CFAP52: variants seen among roughly 807,000 people sequenced by gnomAD.
CFAP52 encodes cilia and flagella associated protein 52, also known as cilia- and flagella-associated protein 52.
In CFAP52, 57 loss-of-function variants were observed where a neutral mutation model predicts 70.5. The ratio of observed to expected loss-of-function variants is 0.81; its 90% CI spans 0.65 to 1.01. The LOEUF is 1.01. Among genes scored for constraint, CFAP52 ranks in the 50% least tolerant of loss-of-function variants. The pLI, the probability that CFAP52 is intolerant of heterozygous loss-of-function variation, is 0.00. For synonymous variants in CFAP52, 267 were observed against 292.5 expected (o/e 0.91, Z 0.89); for missense variants, 785 against 788.5 (o/e 1.00, Z 0.05).
intron 3 of CFAP52, among the ~76,000 whole-genome samples, chr17:9,591,313 T>C (rs370034154): frequency 2.7e-4 from 41 of 152,258 alleles, no homozygotes; most frequent in African/African-American, 9.9e-4. Context: ...GCTGAGATTA[T>C]AGGCTTGAGT....
intron 10 of CFAP52, among the ~76,000 whole-genome samples, chr17:9,634,298 A>G (rs1381891345): frequency 6.6e-6 from 1 of 152,190 alleles, no homozygotes; most frequent in Non-Finnish European, 1.5e-5. Context: ...AAGAAGGCGT[A>G]AGCATCTGAC....
At chr17:9,623,369 C>T (rs1910119004) in intron 8 of CFAP52, among the ~76,000 whole-genome samples, 2 of 152,098 alleles carry the variant, frequency 1.3e-5, no homozygotes, top group South Asian at 4.1e-4. Flanking sequence ...TTTTACTTCT[C>T]TATCCATTCT....
chr17:9,597,831 A>AGAGAGAGAGAGAGAGAGAGAG (rs57688684), intron 4 of CFAP52, among the ~76,000 whole-genome samples: 4 of 131,786 alleles, frequency 3.0e-5, no homozygotes, highest in African/African-American at 9.2e-5. Context: ...GAGAGAGAGA[A>AGAGAGAGAGAGAGAGAGAGAG]AGAGAGAAAG....
At chr17:9,591,395 C>T (rs1321793778) in intron 3 of CFAP52, among the ~76,000 whole-genome samples, 2 of 152,046 alleles carry the variant, frequency 1.3e-5, no homozygotes, top group Non-Finnish European at 2.9e-5. Context: ...TTGATGTCAT[C>T]ATGGTATTCA....
intron 13 of CFAP52, among the ~76,000 whole-genome samples, chr17:9,642,380 T>G (rs1402984067): frequency 2.0e-5 from 3 of 152,196 alleles, no homozygotes; most frequent in Non-Finnish European, 4.4e-5. Flanking sequence ...TCCTAGCACT[T>G]TGGGAGGCCA....
chr17:9,628,961 C>G, intron 9 of CFAP52, 141 bp downstream of exon 9: 1 of 1,292,310 alleles, frequency 7.7e-7, no homozygotes, highest in Non-Finnish European at 1.1e-6. Context: ...TCTAATCTAG[C>G]CTCTCTTTGG....
intron 10 of CFAP52, 135 bp from the exon 11 acceptor site, chr17:9,635,269 AC>A: frequency 1.6e-6 from 2 of 1,232,868 alleles, no homozygotes; most frequent in South Asian, 3.1e-5. Flanking sequence ...TTCACACCCC[AC>A]CCAACCGAGA....
rs748081227 is a variant in CFAP52, at chr17:9,598,309, G to A, written c.612G>A (p.Leu204=). 6.2e-7 allele frequency: 1 copy of A among 1,612,956 alleles called. No homozygotes were observed. Among genetic ancestry groups the A allele is most frequent in the Admixed American group, 1.7e-5 (1 of 59,934 alleles). ...CAACTGAGTGCCAAACAGGACAGTT[G>A]AAAAGAATAGTCATGAGTATTGGAG... is the stretch of plus-strand genomic sequence containing the variant. The part of the protein sequence containing the change: ...IWPTECQTGQ[L]KRIVMSIGVD... The change falls in exon 5 of 14, where the codon TTG becomes TTA. Residue 204 remains leucine, a synonymous_variant. Coordinates refer to ENST00000352665, the MANE Select transcript of CFAP52 (RefSeq NM_145054.5).
chr17:9,616,701 G>A (rs1203588355), intron 8 of CFAP52, among the ~76,000 whole-genome samples: 25 of 149,008 alleles, frequency 1.7e-4, no homozygotes, highest in Admixed American at 2.7e-4. Context: ...CCTGACCCCC[G>A]GGCAGCCTAA....
At position 9,628,734 on chromosome 17, in the gene CFAP52, C is replaced by T; in HGVS notation, c.1088C>T (p.Ser363Phe). The stretch of plus-strand genomic sequence containing the variant: ...GATATCAGGGTGTGGCACACATCAT[C>T]CAACAGGGAGCTGCTGCGGATCACC... ...KKDIRVWHTS[S>F]NRELLRITVP... The change falls in exon 9 of 14, where the codon TCC (serine) becomes TTC (phenylalanine). Residue 363 changes from serine (S) to phenylalanine (F), a missense_variant. Coordinates refer to ENST00000352665, the MANE Select transcript of CFAP52 (RefSeq NM_145054.5). 1 of 1,614,174 alleles carries T rather than the reference C, an allele frequency of 6.2e-7. No homozygotes were observed. Among genetic ancestry groups the T allele is most frequent in the Non-Finnish European group, 8.5e-7 (1 of 1,180,030 alleles).
intron 5 of CFAP52, chr17:9,598,591 G>A: frequency 4.3e-6 from 1 of 231,868 alleles, no homozygotes; most frequent in South Asian, 8.6e-5. Flanking sequence ...GTGAAACCTT[G>A]TCTCTACTAA....
intron 4 of CFAP52, among the ~76,000 whole-genome samples, chr17:9,596,053 GT>G (rs1908988640): frequency 1.4e-5 from 1 of 73,616 alleles, no homozygotes; most frequent in Non-Finnish European, 2.6e-5. Context: ...AGATATATAT[GT>G]GTGTGTATAT....
At chr17:9,623,669 T>TG (rs1910130533) in intron 8 of CFAP52, among the ~76,000 whole-genome samples, 2 of 139,742 alleles carry the variant, frequency 1.4e-5, no homozygotes, top group South Asian at 2.1e-4. Flanking sequence ...TGCTTAGCTT[T>TG]TTTTGTTTGT....
intron 4 of CFAP52, among the ~76,000 whole-genome samples, chr17:9,596,591 T>G (rs1909029007): frequency 6.6e-6 from 1 of 152,208 alleles, no homozygotes; most frequent in Non-Finnish European, 1.5e-5. Flanking sequence ...TTGCTTGGTC[T>G]CATTTCTCTT....
In CFAP52 at chr17:9,595,284, A is replaced by G. The variant is rs542860579; in HGVS notation, c.536+963A>G. On this transcript the variant is annotated intron_variant, in intron 4 of 13. Coordinates refer to ENST00000352665, the MANE Select transcript of CFAP52 (RefSeq NM_145054.5). ...TTCAACCCATCTTGGAAAGGTACAC[A>G]TGGTTGGTTACTTTTCCAGCTAGAG... Among the ~76,000 whole-genome samples, 116 of 152,194 alleles carry G rather than the reference A, an allele frequency of 7.6e-4. 1 individual carries two copies. Among genetic ancestry groups the G allele is most frequent in the African/African-American group, 2.8e-3 (115 of 41,496 alleles).
chr17:9,604,858 A>G (rs1909421701), intron 6 of CFAP52, among the ~76,000 whole-genome samples: 1 of 152,168 alleles, frequency 6.6e-6, no homozygotes, highest in South Asian at 2.1e-4. Flanking sequence ...TATGTCTTAT[A>G]TCAGCCGGGA....
intron 2 of CFAP52, 142 bp downstream of exon 2, chr17:9,586,114 T>C (rs1908461270): frequency 1.1e-6 from 1 of 881,428 alleles, no homozygotes; most frequent in Non-Finnish European, 1.7e-6. Context: ...TTTTAACCCA[T>C]TTTCATTCCG....
chr17:9,590,236 C>A (rs1379703437), intron 3 of CFAP52: 1 of 185,998 alleles, frequency 5.4e-6, no homozygotes, highest in South Asian at 1.3e-4. Flanking sequence ...AGGGCTACAC[C>A]CTTTGGCTTA....
Position 9,597,463 on chromosome 17 carries a change from A to G in CFAP52, c.537-771A>G, listed in dbSNP as rs138470663. On this transcript the variant is annotated intron_variant, in intron 4 of 13. Transcript: ENST00000352665. The stretch of plus-strand genomic sequence containing the variant: ...TTCTACAATGTGTATATGTATATAA[A>G]CATCATGATGTACACCATAAATATA... 2.0e-5 allele frequency: 3 copies of G among 152,316 alleles called. No homozygotes were observed. In the East Asian group the frequency reaches 5.8e-4, roughly 29 times the overall value. The allele number at this position is 152,316 out of a possible 1,614,324, so 9.4% of individuals were successfully genotyped here. A position where few individuals can be genotyped will look rare whatever the true frequency, so the allele number is the denominator to read the frequency against.
Sources: gnomAD v4.1 joint callset for allele counts (sites outside exome capture counted in the v4.1 genomes callset) on GRCh38, gnomAD v4.1.1 for gene constraint, MANE v1.5 for transcripts, NCBI Gene and HGNC (gene_info 2026-07-23, HGNC 2026-07-21) for gene names.